The following SPTA1 variants were observed in gnomAD, a reference collection of about 807,000 sequenced individuals.
SPTA1 encodes the protein spectrin alpha chain, erythrocytic 1.
A neutral mutation model predicts 324.7 loss-of-function variants in SPTA1; 177 were observed. That is an observed-to-expected ratio of 0.55 (90% confidence interval 0.48 to 0.62). The LOEUF (loss-of-function observed/expected upper bound fraction) is 0.62, where lower values mean the gene tolerates loss of function less well. Among genes scored for constraint, SPTA1 ranks in the 20% least tolerant of loss-of-function variants. The pLI, the probability that SPTA1 is intolerant of heterozygous loss-of-function variation, is 0.00. For synonymous variants in SPTA1, 1,195 were observed against 1,041.3 expected (o/e 1.15, Z -2.84); for missense variants, 3,162 against 2,883.6 (o/e 1.10, Z -2.21).
intron 39 of SPTA1, among the ~76,000 whole-genome samples, chr1:158,632,596 G>A (rs116493039): frequency 8.5e-4 from 129 of 152,216 alleles, no homozygotes; most frequent in African/African-American, 2.9e-3. Context: ...GCACATATGA[G>A]CTACAATGAG....
At position 158,654,718 on chromosome 1, in the gene SPTA1, C is replaced by T; in HGVS notation, c.2929G>A (p.Ala977Thr). ...AAAGCCATGACCCTTTGTTCTCCAG[C>T]AACTCCCTCCACTGGTGCAGCCTGT... ...QQQAAPVEGV[A>T]GEQRVMALYD... Residue 977 changes from alanine (A) to threonine (T), a missense_variant, in exon 21 of 52, where the codon GCT becomes ACT. Physicochemically the swap from Ala to Thr is moderately conservative, Grantham distance 58. Coordinates refer to ENST00000643759, the MANE Select transcript of SPTA1 (RefSeq NM_003126.4). The T allele has an allele frequency of 1.2e-6, 2 of 1,613,846 alleles. No homozygotes were observed. Among genetic ancestry groups the T allele is most frequent in the African/African-American group, 2.7e-5 (2 of 74,970 alleles).
At chr1:158,666,199 T>G in intron 16 of SPTA1, 117 bp downstream of exon 16, 1 of 963,798 alleles carries the variant, frequency 1.0e-6, no homozygotes, top group Admixed American at 2.0e-5. Flanking sequence ...ATACACCCAT[T>G]GCTTATTATT....
At chr1:158,612,333 A>C (rs1215092701) in intron 51 of SPTA1, 1 of 198,642 alleles carries the variant, frequency 5.0e-6, no homozygotes, top group Non-Finnish European at 1.0e-5. Flanking sequence ...GAATGAAGAA[A>C]GCTCTTGGAA....
chr1:158,630,014 GA>G (rs1650570123), intron 39 of SPTA1, among the ~76,000 whole-genome samples: 4 of 151,688 alleles, frequency 2.6e-5, no homozygotes, highest in Admixed American at 2.6e-4. Context: ...CAAACAAATG[GA>G]AAAATATTCT....
In SPTA1 at chr1:158,676,177, G is replaced by A; in HGVS notation, c.1076C>T (p.Ala359Val). 1 of 1,613,634 alleles carries A rather than the reference G, an allele frequency of 6.2e-7. No individual in the cohort carries two copies. Among genetic ancestry groups the A allele is most frequent in the Non-Finnish European group, 8.5e-7 (1 of 1,179,752 alleles). The change falls in exon 8 of 52, where the codon GCC (alanine) becomes GTC (valine). Residue 359 changes from alanine to valine, a missense_variant. Ala to Val is a moderately conservative substitution (Grantham distance 64). Transcript: ENST00000643759. ...CTGCAGTTTTTCATATCTGCTGGTG[G>A]CCAGGGCACGAATATGCTCCCAGCT... ...VSSWEHIRAL[A>V]TSRYEKLQAT...
intron 12 of SPTA1, 115 bp downstream of exon 12, chr1:158,671,228 T>C: frequency 1.3e-6 from 1 of 757,324 alleles, no homozygotes; most frequent in East Asian, 2.7e-5. Context: ...TGATTAGGGA[T>C]AATCCTCAGG....
chr1:158,653,896 T>G (rs1364210927), intron 21 of SPTA1, among the ~76,000 whole-genome samples: 4 of 152,320 alleles, frequency 2.6e-5, no homozygotes, highest in African/African-American at 9.6e-5. Flanking sequence ...ATTTTTGAAC[T>G]GTTGCCACAT....
chr1:158,620,513 C>T (rs1649840897), intron 43 of SPTA1, 47 bp from the exon 44 acceptor site: 1 of 1,609,260 alleles, frequency 6.2e-7, no homozygotes, highest in African/African-American at 1.3e-5. Flanking sequence ...GATAAAGCCT[C>T]TCAGCAGAAG....
rs1488510830 is a variant in SPTA1 at position 158,610,998 on chromosome 1, C to T, written c.*266G>A. The T allele has an allele frequency of 2.6e-6, 1 of 384,540 alleles. No homozygotes were observed. The highest frequency in any genetic ancestry group is 4.8e-6 in the Non-Finnish European group (1 of 208,534). The allele number at this position is 384,540 out of a possible 1,614,324, so 23.8% of individuals were successfully genotyped here. A position where few individuals can be genotyped will look rare whatever the true frequency, so the allele number is the denominator to read the frequency against. On this transcript the variant is annotated 3_prime_UTR_variant, in exon 52 of 52. Coordinates refer to ENST00000643759, the MANE Select transcript of SPTA1 (RefSeq NM_003126.4). ...AAAACAGAACAAATAAAAATAGAAA[C>T]TTTGACACCCCTCAGCAGTGACTAG...
At chr1:158,676,080 T>C (rs541424865) in intron 8 of SPTA1, 61 bp downstream of exon 8, 3 of 1,607,500 alleles carry the variant, frequency 1.9e-6, no homozygotes, top group African/African-American at 2.7e-5. Flanking sequence ...ATTTCTTCTC[T>C]CGCTATTATA....
rs438812 is a variant in SPTA1, at chr1:158,684,868, T to C, written c.264+240A>G. ...GTGCTTTCAACAACTGAAAAACTGC[T>C]GCTTTTTGTTTGATTCTTATTTTCT... On this transcript the variant is annotated intron_variant, in intron 2 of 51. Transcript: ENST00000643759. Among the ~76,000 whole-genome samples the C allele has an allele frequency of 0.97, 148,176 of 152,160 alleles. 72,255 individuals carry two copies. Among genetic ancestry groups the C allele is most frequent in the East Asian group, 1 (5,162 of 5,162 alleles).
At position 158,638,041 on chromosome 1, in the gene SPTA1, G is replaced by A. The variant is rs1280906307; in HGVS notation, c.5181C>T (p.Ser1727=). The change falls in exon 36 of 52, where the codon TCC becomes TCT. Residue 1727 remains serine (S), a synonymous_variant. Transcript: ENST00000643759. ...QFFQDLDDEE[S]WIEEKLIRVS... Reference sequence around the variant, plus strand: ...GAGCTGGTGGCACATACTCTATCCAGGATTCCTCATCATCTAGATCCTGGA... The same window carrying A: ...GAGCTGGTGGCACATACTCTATCCAAGATTCCTCATCATCTAGATCCTGGA... The A allele has an allele frequency of 6.2e-7, 1 of 1,613,630 alleles. No homozygotes were observed.
chr1:158,651,325 CCCA>C, intron 24 of SPTA1, 39 bp downstream of exon 24: 1 of 1,389,750 alleles, frequency 7.2e-7, no homozygotes, highest in South Asian at 1.2e-5. Context: ...ACTCCCAAAG[CCCA>C]ACCTGGTAGT....
chr1:158,615,199 C>T lies in SPTA1; in HGVS notation c.6788+17G>A, dbSNP rs1649479771. 6.2e-7 allele frequency: 1 copy of T among 1,612,686 alleles called. No individual in the cohort carries two copies. Among genetic ancestry groups the T allele is most frequent in the South Asian group, 1.1e-5 (1 of 91,014 alleles). On this transcript the variant is annotated intron_variant, in intron 48 of 51. Transcript: ENST00000643759. ...CCACCTGCATCCCTCCCTGCTCTGG[C>T]CACACGCCCTCAATACTTGGCCTGG...
At chr1:158,650,724 TA>T (rs551335993) in intron 24 of SPTA1, among the ~76,000 whole-genome samples, 66 of 152,350 alleles carry the variant, frequency 4.3e-4, no homozygotes, top group African/African-American at 1.4e-3. Context: ...GTATGTGTTG[TA>T]ATTTAAGAAT....
chr1:158,665,933 A>G (rs1474131869), intron 16 of SPTA1, among the ~76,000 whole-genome samples: 3 of 152,146 alleles, frequency 2.0e-5, no homozygotes, highest in Admixed American at 1.3e-4. Flanking sequence ...TATACAACCC[A>G]GATTTCTAGA....
chr1:158,666,644 G>C, intron 15 of SPTA1, 147 bp from the exon 16 acceptor site: 1 of 768,638 alleles, frequency 1.3e-6, no homozygotes, highest in Non-Finnish European at 2.1e-6. Flanking sequence ...CTCACAAAAA[G>C]TCATCTTAAA....
intron 43 of SPTA1, 193 bp downstream of exon 43, chr1:158,622,790 A>T (rs548292991): frequency 3.8e-5 from 22 of 575,192 alleles, no homozygotes; most frequent in Non-Finnish European, 6.1e-5. Context: ...GCAACTAATC[A>T]ATCAATCTAA....
chr1:158,649,740 A>T, intron 25 of SPTA1, 116 bp downstream of exon 25: 2 of 844,214 alleles, frequency 2.4e-6, no homozygotes, highest in African/African-American at 1.7e-5. Flanking sequence ...TTCTATTGGC[A>T]CATTGTCTCC....
Sources: gnomAD v4.1 joint callset for allele counts (sites outside exome capture counted in the v4.1 genomes callset) on GRCh38, gnomAD v4.1.1 for gene constraint, MANE v1.5 for transcripts, NCBI Gene and HGNC (gene_info 2026-07-23, HGNC 2026-07-21) for gene names.